The following ARHGAP1 variants were observed in gnomAD, a reference collection of about 807,000 sequenced individuals.
ARHGAP1 encodes Rho GTPase activating protein 1, also known as rho GTPase-activating protein 1.
A neutral mutation model predicts 52.2 loss-of-function variants in ARHGAP1; 23 were observed. The observed-to-expected ratio is 0.44, with a 90% CI of 0.32 to 0.62. The LOEUF (loss-of-function observed/expected upper bound fraction) is 0.62, where lower values mean the gene tolerates loss of function less well. Ranked by LOEUF, ARHGAP1 falls within the 20% of genes least tolerant of loss-of-function variation. The probability of loss-of-function intolerance (pLI) is 0.05; values close to 1 mark genes in which losing one functional copy is unlikely to be tolerated. For missense variants in ARHGAP1, 480 were observed against 560.9 expected, an observed-to-expected ratio of 0.86 and a Z score of 1.46; for synonymous variants, 210 against 228.4, an observed-to-expected ratio of 0.92 and a Z score of 0.73.
chr11:46,681,230 C>CA lies in ARHGAP1; in HGVS notation c.536+62dup. The CA allele has an allele frequency of 1.9e-6, 3 of 1,563,048 alleles. No individual in the cohort carries two copies. In the East Asian group the frequency reaches 6.7e-5, roughly 35 times the overall value. ...CGCACCTGGTGGTCCCCAGGCTGCCCAGCCTCCCAGCTTCAGAGTTCCAGG... is the reference window on the plus strand; with the variant it reads ...CGCACCTGGTGGTCCCCAGGCTGCCCAAGCCTCCCAGCTTCAGAGTTCCAGG... On this transcript the variant is annotated intron_variant, in intron 6 of 12. Coordinates refer to ENST00000311956, the MANE Select transcript of ARHGAP1 (RefSeq NM_004308.5). This position sits in a 1 kb window ranked among gnomAD's most constrained non-coding sequence, Gnocchi z 5.7.
At chr11:46,692,908 A>T (rs1180247434) in intron 3 of ARHGAP1, among the ~76,000 whole-genome samples, 1 of 150,390 alleles carries the variant, frequency 6.6e-6, no homozygotes, top group Non-Finnish European at 1.5e-5. Context: ...GCTGGAGTGC[A>T]GTGGCACGAT....
In ARHGAP1 at chr11:46,679,664, A is replaced by G. The variant is rs757162345; in HGVS notation, c.1011T>C (p.His337=). 4 of 1,613,994 alleles carry G rather than the reference A, an allele frequency of 2.5e-6. No homozygotes were observed. Among genetic ancestry groups the G allele is most frequent in the South Asian group, 2.2e-5 (2 of 91,084 alleles). Residue 337 remains histidine, a synonymous_variant, in exon 11 of 13, where the codon CAT becomes CAC. Transcript: ENST00000311956. This position sits in a 1 kb window ranked among gnomAD's most constrained non-coding sequence, Gnocchi z 4.4. Reference sequence around the variant, plus strand: ...GGGACTCACTGAGGAAGCCCACCACATGGGGGTAGAGGTCAAAGGTGAGCA... The same window carrying G: ...GGGACTCACTGAGGAAGCCCACCACGTGGGGGTAGAGGTCAAAGGTGAGCA... ...EPLLTFDLYP[H]VVGFLNIDES...
intron 4 of ARHGAP1, among the ~76,000 whole-genome samples, chr11:46,682,410 G>A (rs1165961342): frequency 6.6e-5 from 10 of 152,234 alleles, no homozygotes; most frequent in African/African-American, 2.2e-4. Context: ...TCAGCCGGGC[G>A]CAGTGGCTCA....
At chr11:46,691,079 A>C (rs1436541195) in intron 3 of ARHGAP1, among the ~76,000 whole-genome samples, 1 of 151,790 alleles carries the variant, frequency 6.6e-6, no homozygotes, top group Non-Finnish European at 1.5e-5. Context: ...TTTGAGACAG[A>C]ATCTTGTTAT....
intron 1 of ARHGAP1, among the ~76,000 whole-genome samples, chr11:46,699,257 T>C (rs2064679968): frequency 6.6e-6 from 1 of 152,204 alleles, no homozygotes; most frequent in African/African-American, 2.4e-5. Flanking sequence ...TGCTATCATT[T>C]GTTGAATGAA....
At chr11:46,694,682 C>T (rs2064639262) in intron 3 of ARHGAP1, among the ~76,000 whole-genome samples, 1 of 152,206 alleles carries the variant, frequency 6.6e-6, no homozygotes, top group Non-Finnish European at 1.5e-5. Flanking sequence ...CAGGACCAGA[C>T]TGGGGAAAAA....
intron 4 of ARHGAP1, among the ~76,000 whole-genome samples, chr11:46,683,116 G>T (rs1475094798): frequency 7.6e-6 from 1 of 131,008 alleles, no homozygotes; most frequent in African/African-American, 2.8e-5. Flanking sequence ...ACAGCTCACC[G>T]CAGCCTTGAC....
At position 46,685,889 on chromosome 11, in the gene ARHGAP1, T is replaced by G. The variant is rs2134484199; in HGVS notation, c.317+2284A>C. 2.0e-5 allele frequency among the ~76,000 whole-genome samples: 3 copies of G among 151,524 alleles called. No individual in the cohort carries two copies. The East Asian group carries it at 5.8e-4, about 29-fold the overall frequency. Reference sequence around the variant, plus strand: ...TGAGGTTTCACCATGTTGGCCAGGATGGTCTCAATCTCCTGACCTCATGAT... The same window carrying G: ...TGAGGTTTCACCATGTTGGCCAGGAGGGTCTCAATCTCCTGACCTCATGAT... On this transcript the variant is annotated intron_variant, in intron 4 of 12. Transcript: ENST00000311956.
Position 46,680,916 on chromosome 11 carries a change from G to A in ARHGAP1, c.635+95C>T. 3.2e-6 allele frequency: 4 copies of A among 1,239,660 alleles called. No homozygotes were observed. The highest frequency in any genetic ancestry group is 4.6e-6 in the Non-Finnish European group (4 of 861,988). 76.8% of individuals were successfully genotyped at this position (1,239,660 alleles called of 1,614,324 possible). ...AGACCTGGGAGAGGTCGGGACACGG[G>A]CTTGCTCTGCCTAAGCCCCACGCGG... is the stretch of plus-strand genomic sequence containing the variant. On this transcript the variant is annotated intron_variant, in intron 7 of 12. Coordinates refer to ENST00000311956, the MANE Select transcript of ARHGAP1 (RefSeq NM_004308.5). This position sits in a 1 kb window ranked among gnomAD's most constrained non-coding sequence, Gnocchi z 5.9.
Position 46,696,045 on chromosome 11 carries a change from G to C in ARHGAP1, c.63C>G (p.Asn21Lys). 1 of 1,614,020 alleles carries C rather than the reference G, an allele frequency of 6.2e-7. No individual in the cohort carries two copies. Among genetic ancestry groups the C allele is most frequent in the Non-Finnish European group, 8.5e-7 (1 of 1,179,970 alleles). The stretch of plus-strand genomic sequence containing the variant: ...CATCGATGGAGGCCAGCTTCAGCTG[G>C]TTCAGAGCCTCGCTGGTGTCATCCA... ...LTLDDTSEAL[N>K]QLKLASIDEK... is the part of the protein sequence containing the mutation. Residue 21 changes from asparagine (N) to lysine (K), a missense_variant, in exon 2 of 13, where the codon AAC becomes AAG. Physicochemically the swap from Asn to Lys is moderately conservative, Grantham distance 94. Coordinates refer to ENST00000311956, the MANE Select transcript of ARHGAP1 (RefSeq NM_004308.5). The surrounding 1 kb of genome is among the most constrained non-coding windows in gnomAD (Gnocchi z 4.8).
At chr11:46,698,607 CAAA>C (rs57399402) in intron 1 of ARHGAP1, among the ~76,000 whole-genome samples, 61 of 134,096 alleles carry the variant, frequency 4.5e-4, no homozygotes, top group Non-Finnish European at 4.8e-4. Context: ...AACTCTGTTT[CAAA>C]AAAAAAAAAA....
rs924251761 is a variant in ARHGAP1 at position 46,678,991 on chromosome 11, C to A, written c.*46G>T. On this transcript the variant is annotated 3_prime_UTR_variant, in exon 13 of 13. Transcript: ENST00000311956. Reference sequence around the variant, plus strand: ...GCCCCTGATGCCAGGAGGAAGAGTCCAAACCCGGGCTACCAGAGAAGGGGC... The same window carrying A: ...GCCCCTGATGCCAGGAGGAAGAGTCAAAACCCGGGCTACCAGAGAAGGGGC... 1.2e-6 allele frequency: 2 copies of A among 1,600,398 alleles called. No homozygotes were observed. Among genetic ancestry groups the A allele is most frequent in the Non-Finnish European group, 1.7e-6 (2 of 1,170,696 alleles).
intron 4 of ARHGAP1, among the ~76,000 whole-genome samples, chr11:46,682,920 G>A (rs1413583643): frequency 6.6e-6 from 1 of 152,122 alleles, no homozygotes; most frequent in Non-Finnish European, 1.5e-5. Flanking sequence ...TTATAACTGA[G>A]GCTGATGTAA....
intron 4 of ARHGAP1, chr11:46,686,728 ACTTT>A (rs890847396): frequency 7.3e-6 from 1 of 137,244 alleles, no homozygotes; most frequent in South Asian, 2.3e-4. Flanking sequence ...CACTTCAGGC[ACTTT>A]CTTTTTTTTT....
At chr11:46,698,535 G>C (rs370014537) in intron 1 of ARHGAP1, among the ~76,000 whole-genome samples, 4 of 151,984 alleles carry the variant, frequency 2.6e-5, no homozygotes, top group South Asian at 2.1e-4. Context: ...TTGAACCCAG[G>C]GGGTGGAGGT....
chr11:46,685,487 A>G (rs117426515), intron 4 of ARHGAP1, among the ~76,000 whole-genome samples: 3,196 of 149,566 alleles, frequency 0.021, 44 homozygotes, highest in Non-Finnish European at 0.033. Context: ...GCCACTACAC[A>G]TGGCTAATTT....
In ARHGAP1 at chr11:46,678,783, C is replaced by A; in HGVS notation, c.*254G>T. The A allele has an allele frequency of 3.9e-6, 2 of 508,956 alleles. No homozygotes were observed. Among genetic ancestry groups the A allele is most frequent in the Non-Finnish European group, 7.0e-6 (2 of 287,166 alleles). The allele number at this position is 508,956 out of a possible 1,614,324, so 31.5% of individuals were successfully genotyped here. A position where few individuals can be genotyped will look rare whatever the true frequency, so the allele number is the denominator to read the frequency against. ...TCAGTCCTTCTCCAGCTGGAAGAGCCAAGCCCAGCTCTGGAGAGCCCAGCA... is the reference window on the plus strand; with the variant it reads ...TCAGTCCTTCTCCAGCTGGAAGAGCAAAGCCCAGCTCTGGAGAGCCCAGCA... On this transcript the variant is annotated 3_prime_UTR_variant, in exon 13 of 13. Transcript: ENST00000311956.
Position 46,678,851 on chromosome 11 carries a change from G to T in ARHGAP1, c.*186C>A. On this transcript the variant is annotated 3_prime_UTR_variant, in exon 13 of 13. Transcript: ENST00000311956. ...GAGGCAGTGAGAAGTGTAAGGCAGA[G>T]AAAAACGTCTTCTGGTAACAGCGAG... 3.0e-6 allele frequency: 2 copies of T among 662,986 alleles called. No homozygotes were observed. The highest frequency in any genetic ancestry group is 5.1e-6 in the Non-Finnish European group (2 of 394,344). The allele number at this position is 662,986 out of a possible 1,614,324, so 41.1% of individuals were successfully genotyped here. A position where few individuals can be genotyped will look rare whatever the true frequency, so the allele number is the denominator to read the frequency against.
At position 46,681,207 on chromosome 11, in the gene ARHGAP1, C is replaced by G; in HGVS notation, c.536+86G>C. ...CCCAGTTCAGACGGAAGCCCAGCCG[C>G]ACCTGGTGGTCCCCAGGCTGCCCAG... On this transcript the variant is annotated intron_variant, in intron 6 of 12. Coordinates refer to ENST00000311956, the MANE Select transcript of ARHGAP1 (RefSeq NM_004308.5). The surrounding 1 kb of genome is among the most constrained non-coding windows in gnomAD (Gnocchi z 5.7). 6.5e-7 allele frequency: 1 copy of G among 1,540,978 alleles called. No homozygotes were observed. Among genetic ancestry groups the G allele is most frequent in the Non-Finnish European group, 9.0e-7 (1 of 1,113,974 alleles).
Sources: allele counts gnomAD v4.1 joint callset (sites outside exome capture counted in the v4.1 genomes callset), GRCh38; gene constraint gnomAD v4.1.1; non-coding constraint Gnocchi (gnomAD v3.1); transcripts MANE v1.5; gene names NCBI Gene and HGNC (gene_info 2026-07-23, HGNC 2026-07-21).